LYN: variants seen among roughly 807,000 people sequenced by gnomAD.
LYN encodes the protein LYN proto-oncogene, Src family tyrosine kinase, also known as tyrosine-protein kinase Lyn.
In LYN, 12 loss-of-function variants were observed where a neutral mutation model predicts 65.0. That is an observed-to-expected ratio of 0.18 (90% CI 0.12 to 0.30). The LOEUF (loss-of-function observed/expected upper bound fraction) is 0.30. Ranked by LOEUF, LYN falls within the 10% of genes least tolerant of loss-of-function variation. LYN has a pLI of 1.00. For synonymous variants in LYN, 222 were observed against 221.2 expected, an observed-to-expected ratio of 1.00 and a Z score of -0.03; for missense variants, 380 against 623.2, an observed-to-expected ratio of 0.61 and a Z score of 4.16.
intron 10 of LYN, among the ~76,000 whole-genome samples, chr8:55,995,487 T>C (rs1808349551): frequency 6.6e-6 from 1 of 152,200 alleles, no homozygotes; most frequent in African/African-American, 2.4e-5. Context: ...AAATGAAGCC[T>C]CCTGCTGTGC....
intron 1 of LYN, among the ~76,000 whole-genome samples, chr8:55,917,927 A>G (rs578130378): frequency 9.8e-5 from 15 of 152,344 alleles, no homozygotes; most frequent in African/African-American, 3.1e-4. Flanking sequence ...TATTCATAGA[A>G]GTTCTTTGGG....
intron 1 of LYN, among the ~76,000 whole-genome samples, chr8:55,918,120 C>T (rs1382017477): frequency 1.3e-5 from 2 of 152,284 alleles, no homozygotes; most frequent in Admixed American, 6.5e-5. Context: ...GATCTCCCAG[C>T]GCTGATGCTG....
intron 12 of LYN, among the ~76,000 whole-genome samples, chr8:56,008,453 T>G (rs548100531): frequency 6.6e-6 from 1 of 152,350 alleles, no homozygotes; most frequent in Admixed American, 6.5e-5. Context: ...TGACATACAT[T>G]CTTCTCTAGA....
chr8:55,985,747 A>G (rs1053497131), intron 10 of LYN, among the ~76,000 whole-genome samples: 2 of 152,164 alleles, frequency 1.3e-5, no homozygotes, highest in African/African-American at 4.8e-5. Flanking sequence ...GCAGGCAAGG[A>G]CTGTTTAGTG....
chr8:55,933,524 G>A (rs1806328775), intron 1 of LYN, among the ~76,000 whole-genome samples: 1 of 152,202 alleles, frequency 6.6e-6, no homozygotes. Context: ...TTCTAACGGA[G>A]TTTAATATGT....
chr8:55,895,754 G>T (rs1214546842), intron 1 of LYN: 4 of 151,986 alleles, frequency 2.6e-5, no homozygotes, highest in Non-Finnish European at 4.4e-5. Context: ...ATTTTTGTTT[G>T]GTATCTCATC....
In LYN at chr8:55,969,699, T is replaced by C. The variant is rs371151751; in HGVS notation, c.974-18T>C. 11 of 1,601,240 alleles carry C rather than the reference T, an allele frequency of 6.9e-6. No homozygotes were observed. The highest frequency in any genetic ancestry group is 9.4e-6 in the Non-Finnish European group (11 of 1,168,358). On this transcript the variant is annotated intron_variant, in intron 9 of 12. Transcript: ENST00000519728. ...TGTGTGTTTGGAATGCACTAACTTGTTCTTTCTTTCTCCATAGGCAGTTTG... is the reference window on the plus strand; with the variant it reads ...TGTGTGTTTGGAATGCACTAACTTGCTCTTTCTTTCTCCATAGGCAGTTTG...
intron 1 of LYN, among the ~76,000 whole-genome samples, chr8:55,926,733 G>C (rs1014189614): frequency 6.6e-6 from 1 of 152,198 alleles, no homozygotes; most frequent in African/African-American, 2.4e-5. Flanking sequence ...ATATTTTCAG[G>C]CAGCCCTCTT....
At chr8:55,958,582 C>G (rs1242248071) in intron 8 of LYN, among the ~76,000 whole-genome samples, 1 of 152,222 alleles carries the variant, frequency 6.6e-6, no homozygotes, top group African/African-American at 2.4e-5. Flanking sequence ...CTCTTTTCAT[C>G]TGATAAAACT....
At position 55,947,916 on chromosome 8, in the gene LYN, C is replaced by T. The variant is rs117076176; in HGVS notation, c.284+193C>T. 9.8e-3 allele frequency among the ~76,000 whole-genome samples: 1,493 copies of T among 152,210 alleles called. 7 individuals are homozygous for T. Among genetic ancestry groups the T allele is most frequent in the Non-Finnish European group, 0.016 (1,075 of 67,996 alleles). On this transcript the variant is annotated intron_variant, in intron 4 of 12. Coordinates refer to ENST00000519728, the MANE Select transcript of LYN (RefSeq NM_002350.4). ...AGCCAAAGGGATTTTCCTTTTAAGT[C>T]GGTCTGTGAGCACACTTCAGGGGGT...
chr8:55,925,065 C>T (rs1452382560), intron 1 of LYN, among the ~76,000 whole-genome samples: 2 of 152,084 alleles, frequency 1.3e-5, no homozygotes, highest in East Asian at 3.9e-4. Flanking sequence ...TGGGGTGATC[C>T]GCTTGCTTCA....
chr8:55,968,153 C>T (rs1156804555), intron 9 of LYN, among the ~76,000 whole-genome samples: 5 of 152,182 alleles, frequency 3.3e-5, no homozygotes, highest in Non-Finnish European at 7.3e-5. Context: ...CAGGGCCAGA[C>T]ACCTTATAGG....
intron 1 of LYN, among the ~76,000 whole-genome samples, chr8:55,888,644 G>A (rs139883711): frequency 6.6e-6 from 1 of 152,174 alleles, no homozygotes; most frequent in Non-Finnish European, 1.5e-5. Context: ...ATAGGCTTCA[G>A]CTTGTAATCG....
At chr8:55,896,888 C>T (rs1248784041) in intron 1 of LYN, among the ~76,000 whole-genome samples, 12 of 152,076 alleles carry the variant, frequency 7.9e-5, no homozygotes, top group Non-Finnish European at 1.0e-4. Context: ...TACAGGTGCC[C>T]GCCATCACCC....
chr8:55,977,685 G>A (rs999017676), intron 10 of LYN, among the ~76,000 whole-genome samples: 1 of 151,544 alleles, frequency 6.6e-6, no homozygotes, highest in Non-Finnish European at 1.5e-5. Context: ...GGCTGAAGTG[G>A]GAGGGTTGCC....
rs556837261 is a variant in LYN, at chr8:55,888,135, G to A, written c.-6+8032G>A. 1.3e-3 allele frequency among the ~76,000 whole-genome samples: 196 copies of A among 152,298 alleles called. 1 individual carries two copies. The highest frequency in any genetic ancestry group is 4.5e-3 in the African/African-American group (189 of 41,558). On this transcript the variant is annotated intron_variant, in intron 1 of 12. Coordinates refer to ENST00000519728, the MANE Select transcript of LYN (RefSeq NM_002350.4). Reference sequence around the variant, plus strand: ...CTTCCACTGCTATGTTTAGTATTCAGTTTAGCAAACTTTTCCTGGGTAGCT... The same window carrying A: ...CTTCCACTGCTATGTTTAGTATTCAATTTAGCAAACTTTTCCTGGGTAGCT...
chr8:55,931,081 G>GTA (rs879717486), intron 1 of LYN, among the ~76,000 whole-genome samples: 39 of 147,042 alleles, frequency 2.7e-4, no homozygotes, highest in Non-Finnish European at 4.2e-4. Flanking sequence ...ATACGTGTGT[G>GTA]TATATATATA....
At position 55,913,517 on chromosome 8, in the gene LYN, A is replaced by G. The variant is rs953998091; in HGVS notation, c.-5-28338A>G. 3.9e-5 allele frequency among the ~76,000 whole-genome samples: 6 copies of G among 152,358 alleles called. No homozygotes were observed. The East Asian group carries it at 7.7e-4, about 20-fold the overall frequency. On this transcript the variant is annotated intron_variant, in intron 1 of 12. Transcript: ENST00000519728. ...TTAAAGTTGTGCTTGCTGAATTTCA[A>G]CTACATTAAAGGTACCAGTGCTGGA...
intron 1 of LYN, among the ~76,000 whole-genome samples, chr8:55,939,945 G>T (rs2130470103): frequency 6.6e-6 from 1 of 152,328 alleles, no homozygotes; most frequent in South Asian, 2.1e-4. Context: ...CAGCTCGCTA[G>T]TTTCAGAAAG....
Sources: allele counts gnomAD v4.1 joint callset (sites outside exome capture counted in the v4.1 genomes callset), GRCh38; gene constraint gnomAD v4.1.1; transcripts MANE v1.5; gene names NCBI Gene and HGNC (gene_info 2026-07-23, HGNC 2026-07-21).